Variants in AKAP13 observed in about 807,000 individuals in gnomAD.
AKAP13 encodes the protein A-kinase anchoring protein 13, also known as A-kinase anchor protein 13.
A neutral mutation model predicts 264.5 loss-of-function variants in AKAP13; 80 were observed. The observed-to-expected ratio is 0.30, with a 90% confidence interval of 0.25 to 0.36. The LOEUF is 0.36. Among genes scored for constraint, AKAP13 ranks in the 10% least tolerant of loss-of-function variants. AKAP13 has a pLI of 1.00. For missense variants in AKAP13, 3,712 were observed against 3,435.2 expected (o/e 1.08, Z -2.01); for synonymous variants, 1,380 against 1,250.2 (o/e 1.10, Z -2.19).
At chr15:85,694,038 C>T (rs1177146548) in intron 17 of AKAP13, among the ~76,000 whole-genome samples, 2 of 152,200 alleles carry the variant, frequency 1.3e-5, no homozygotes, top group South Asian at 2.1e-4. Context: ...GTTCTATGAT[C>T]TCTAAACCAC....
chr15:85,613,691 A>AAAAAAAAAT (rs1313187436), intron 8 of AKAP13, among the ~76,000 whole-genome samples: 1 of 91,968 alleles, frequency 1.1e-5, no homozygotes, highest in African/African-American at 4.6e-5. Context: ...AAAAAAAAAA[A>AAAAAAAAAT]ATATATATAT....
intron 8 of AKAP13, among the ~76,000 whole-genome samples, chr15:85,628,613 T>C (rs1234617108): frequency 6.6e-6 from 1 of 152,210 alleles, no homozygotes; most frequent in Non-Finnish European, 1.5e-5. Context: ...AATTAACTGC[T>C]GGTGATTAAA....
At chr15:85,682,512 A>T (rs1036165573) in intron 15 of AKAP13, among the ~76,000 whole-genome samples, 2 of 152,162 alleles carry the variant, frequency 1.3e-5, no homozygotes, top group African/African-American at 4.8e-5. Context: ...GGGATTTTTA[A>T]TTCCTAAATC....
At chr15:85,470,316 A>G (rs762244021) in intron 1 of AKAP13, among the ~76,000 whole-genome samples, 2 of 152,056 alleles carry the variant, frequency 1.3e-5, no homozygotes, top group African/African-American at 4.8e-5. Flanking sequence ...CCAAACCAAA[A>G]CAAAACAGAA....
intron 1 of AKAP13, among the ~76,000 whole-genome samples, chr15:85,384,361 C>T (rs544015455): frequency 8.3e-4 from 126 of 152,340 alleles, no homozygotes; most frequent in African/African-American, 2.8e-3. Flanking sequence ...CTCTCTCTTT[C>T]CCAGGTTAGG....
chr15:85,417,397 A>G (rs1286451515), intron 1 of AKAP13, among the ~76,000 whole-genome samples: 1 of 152,230 alleles, frequency 6.6e-6, no homozygotes, highest in Non-Finnish European at 1.5e-5. Context: ...TGGAATCGAA[A>G]TAGCGTATGA....
At chr15:85,418,555 C>T (rs144013942) in intron 1 of AKAP13, among the ~76,000 whole-genome samples, 91 of 152,184 alleles carry the variant, frequency 6.0e-4, no homozygotes, top group African/African-American at 2.1e-3. Context: ...GTACTATAAG[C>T]GGTAAAGAAA....
intron 1 of AKAP13, among the ~76,000 whole-genome samples, chr15:85,405,400 A>G (rs758625336): frequency 1.3e-5 from 2 of 152,250 alleles, no homozygotes; most frequent in East Asian, 1.9e-4. Flanking sequence ...ACAAAAATCC[A>G]TGATTCACAT....
In AKAP13 at chr15:85,631,502, T is replaced by TCACA. The variant is rs55928032; in HGVS notation, c.4162-7824_4162-7821dup. Among the ~76,000 whole-genome samples the TCACA allele has an allele frequency of 5.3e-3, 749 of 140,970 alleles. 4 individuals are homozygous for TCACA. Among genetic ancestry groups the TCACA allele is most frequent in the South Asian group, 0.011 (46 of 4,290 alleles). 92.5% of individuals were successfully genotyped at this position (140,970 alleles called of 152,430 possible). ...CACACTTTCTCTCTCTCTCTCTCTC[T>TCACA]CACACACACACACACACACACACAC... On this transcript the variant is annotated intron_variant, in intron 8 of 36. Coordinates refer to ENST00000394518, the MANE Select transcript of AKAP13 (RefSeq NM_007200.5).
chr15:85,655,555 C>T lies in AKAP13; in HGVS notation c.4513C>T (p.Arg1505Trp), dbSNP rs756234876. ...QILKPNRSRD[R>W]QSLDGFYSHG... ...TTTAAAGCCAAACAGGTCAAGAGAT[C>T]GGCAAAGCCTTGATGGATTCTACAG... The change falls in exon 11 of 37, where the codon CGG (arginine) becomes TGG (tryptophan). Residue 1505 changes from arginine (R) to tryptophan (W), a missense_variant. Coordinates refer to ENST00000394518, the MANE Select transcript of AKAP13 (RefSeq NM_007200.5). 1.4e-5 allele frequency: 23 copies of T among 1,614,062 alleles called. No homozygotes were observed. Among genetic ancestry groups the T allele is most frequent in the South Asian group, 1.3e-4 (12 of 91,082 alleles).
At chr15:85,485,945 A>C (rs1377744329) in intron 2 of AKAP13, among the ~76,000 whole-genome samples, 192 bp downstream of exon 2, 4 of 152,260 alleles carry the variant, frequency 2.6e-5, no homozygotes, top group Admixed American at 6.5e-5. Context: ...GTGCATGGAA[A>C]TGAAAACAAA....
At chr15:85,493,170 C>T (rs895675304) in intron 2 of AKAP13, among the ~76,000 whole-genome samples, 1 of 152,172 alleles carries the variant, frequency 6.6e-6, no homozygotes, top group Non-Finnish European at 1.5e-5. Flanking sequence ...TTTGTGGATA[C>T]ACATGGTTAT....
At chr15:85,704,779 A>T (rs1370512723) in intron 17 of AKAP13, among the ~76,000 whole-genome samples, 1 of 152,228 alleles carries the variant, frequency 6.6e-6, no homozygotes, top group Admixed American at 6.5e-5. Flanking sequence ...GAGCTTAAAA[A>T]TGTATTAGAT....
intron 13 of AKAP13, among the ~76,000 whole-genome samples, chr15:85,668,287 C>G (rs757381256): frequency 6.6e-6 from 1 of 152,164 alleles, no homozygotes; most frequent in East Asian, 1.9e-4. Flanking sequence ...TCACTGCTTC[C>G]CTTTCAATAT....
chr15:85,655,293 T>C, intron 10 of AKAP13, 124 bp from the exon 11 acceptor site: 1 of 1,246,162 alleles, frequency 8.0e-7, no homozygotes, highest in Non-Finnish European at 1.1e-6. Flanking sequence ...AACAAGTCTC[T>C]GAGGCCAATT....
chr15:85,701,294 C>T (rs1205588201), intron 17 of AKAP13: 3 of 151,950 alleles, frequency 2.0e-5, no homozygotes, highest in Admixed American at 6.6e-5. Context: ...GGAAGTCTGT[C>T]GGTGGGGACA....
chr15:85,602,546 G>A (rs1048672295), intron 8 of AKAP13, among the ~76,000 whole-genome samples: 1 of 152,012 alleles, frequency 6.6e-6, no homozygotes, highest in African/African-American at 2.4e-5. Flanking sequence ...GAGTGCAGTG[G>A]TGCAGTCTTG....
At chr15:85,506,778 A>C (rs1167663692) in intron 2 of AKAP13, among the ~76,000 whole-genome samples, 1 of 152,190 alleles carries the variant, frequency 6.6e-6, no homozygotes. Context: ...TACAGAAAGC[A>C]CATGGGACAG....
intron 8 of AKAP13, among the ~76,000 whole-genome samples, chr15:85,632,889 CG>C (rs1567166094): frequency 6.6e-6 from 1 of 150,530 alleles, no homozygotes; most frequent in Admixed American, 6.6e-5. Flanking sequence ...TTTTTTGAGG[CG>C]GAATCTTGCT....
Sources: gnomAD v4.1 joint callset for allele counts (sites outside exome capture counted in the v4.1 genomes callset) on GRCh38, gnomAD v4.1.1 for gene constraint, MANE v1.5 for transcripts, NCBI Gene and HGNC (gene_info 2026-07-23, HGNC 2026-07-21) for gene names.